The following GABRA3 variants were observed in gnomAD, a reference collection of about 807,000 sequenced individuals.
The protein encoded by GABRA3 is gamma-aminobutyric acid type A receptor subunit alpha3, also known as gamma-aminobutyric acid receptor subunit alpha-3.
A neutral mutation model predicts 30.1 loss-of-function variants in GABRA3; 10 were observed. That is an observed-to-expected ratio of 0.33 (90% confidence interval 0.20 to 0.56). The LOEUF is 0.56. GABRA3 is among the 20% of genes least tolerant of loss of function. The probability of loss-of-function intolerance (pLI) is 0.89; values close to 1 mark genes in which losing one functional copy is unlikely to be tolerated. For missense variants in GABRA3, 233 were observed against 392.0 expected (o/e 0.59, Z 3.42); for synonymous variants, 151 against 146.8 (o/e 1.03, Z -0.21).
intron 2 of GABRA3, among the ~76,000 whole-genome samples, chrX:152,358,096 A>C (rs189254949): frequency 9.5e-4 from 106 of 111,695 alleles, no homozygotes; most frequent in African/African-American, 3.4e-3. Context: ...AAAGAATGTC[A>C]TTGGTAGTTT....
At chrX:152,299,118 G>T (rs1405091502) in intron 3 of GABRA3, among the ~76,000 whole-genome samples, 2 of 110,738 alleles carry the variant, frequency 1.8e-5, no homozygotes, top group East Asian at 5.7e-4. Context: ...ATACAATAAT[G>T]GTAGGTAAAA....
intron 4 of GABRA3, among the ~76,000 whole-genome samples, chrX:152,268,925 T>C (rs1938877637): frequency 8.9e-6 from 1 of 112,221 alleles, no homozygotes; most frequent in South Asian, 3.7e-4. Context: ...GAACATGTTC[T>C]TTAATTTCCA....
intron 3 of GABRA3, among the ~76,000 whole-genome samples, chrX:152,318,991 C>T (rs145375137): frequency 1.2e-4 from 13 of 111,009 alleles, no homozygotes; most frequent in South Asian, 3.8e-4. Context: ...TAGCCAGAGC[C>T]GACACAAGAA....
intron 1 of GABRA3, among the ~76,000 whole-genome samples, chrX:152,445,037 G>A (rs1311010005): frequency 1.5e-5 from 1 of 68,507 alleles, no homozygotes; most frequent in African/African-American, 6.0e-5. Flanking sequence ...CTCCAGCCTG[G>A]GCAACAGAGT....
intron 5 of GABRA3, among the ~76,000 whole-genome samples, chrX:152,242,789 T>TA (rs942401864): frequency 1.8e-5 from 2 of 111,853 alleles, no homozygotes; most frequent in Admixed American, 9.5e-5. Flanking sequence ...ACGGCCATTA[T>TA]AAAAAACAGT....
chrX:152,169,621 A>C (rs1308681940), intron 9 of GABRA3, among the ~76,000 whole-genome samples: 1 of 111,977 alleles, frequency 8.9e-6, no homozygotes, highest in African/African-American at 3.2e-5. Context: ...CCCCAGCCCC[A>C]GGCCAAATGC....
chrX:152,218,071 T>G (rs1937762321), intron 6 of GABRA3, among the ~76,000 whole-genome samples: 1 of 109,031 alleles, frequency 9.2e-6, no homozygotes, highest in Non-Finnish European at 1.9e-5. Flanking sequence ...TGATTTTAGA[T>G]TTCTCTTTTA....
At chrX:152,363,401 C>A (rs73639083) in intron 2 of GABRA3, among the ~76,000 whole-genome samples, 11,992 of 111,377 alleles carry the variant, frequency 0.11, 519 homozygotes, top group African/African-American at 0.13. Context: ...CTATCTGTTG[C>A]AGGGAGTCGC....
intron 5 of GABRA3, among the ~76,000 whole-genome samples, chrX:152,242,444 C>T (rs1569367691): frequency 8.9e-6 from 1 of 111,860 alleles, no homozygotes. Flanking sequence ...AGCTTCTGCA[C>T]ATCCAAGGAA....
At chrX:152,248,540 T>C (rs923076423) in intron 5 of GABRA3, among the ~76,000 whole-genome samples, 2 of 111,527 alleles carry the variant, frequency 1.8e-5, no homozygotes, top group African/African-American at 3.2e-5. Context: ...CACTTGGAAA[T>C]GAGCCGCTTG....
intron 5 of GABRA3, among the ~76,000 whole-genome samples, chrX:152,230,053 C>T (rs1261945025): frequency 9.0e-6 from 1 of 111,313 alleles, no homozygotes; most frequent in Non-Finnish European, 1.9e-5. Context: ...CCTTATTCAA[C>T]TTCTTATTGA....
intron 6 of GABRA3, among the ~76,000 whole-genome samples, chrX:152,209,799 C>T (rs1937613316): frequency 8.9e-6 from 1 of 112,495 alleles, no homozygotes; most frequent in Admixed American, 9.4e-5. Flanking sequence ...CATCAAAATT[C>T]TCACTGACAT....
At position 152,330,072 on chromosome X, in the gene GABRA3, A is replaced by T. The variant is rs753572877; in HGVS notation, c.262+15509T>A. ...CATACACTTCTCAAAAGAATACATT[A>T]ATACAACCAACAGACACATGAAAAA... is the stretch of plus-strand genomic sequence containing the variant. On this transcript the variant is annotated intron_variant, in intron 3 of 9. Transcript: ENST00000370314. Among the ~76,000 whole-genome samples the T allele has an allele frequency of 7.7e-3, 860 of 112,024 alleles. 17 individuals are homozygous for T. The highest frequency in any genetic ancestry group is 0.027 in the African/African-American group (816 of 30,677).
intron 3 of GABRA3, among the ~76,000 whole-genome samples, chrX:152,312,384 G>A (rs370772139): frequency 8.9e-5 from 10 of 112,135 alleles, no homozygotes; most frequent in South Asian, 7.4e-4. Flanking sequence ...AAGCAATGGC[G>A]AAAAGTCTCC....
rs1033812897 is a variant in GABRA3 at position 152,269,906 on chromosome X, C to A, written c.331-13908G>T. Among the ~76,000 whole-genome samples the A allele has an allele frequency of 8.1e-5, 9 of 111,691 alleles. No individual in the cohort carries two copies. In the East Asian group the frequency reaches 2.5e-3, roughly 31 times the overall value. On this transcript the variant is annotated intron_variant, in intron 4 of 9. Coordinates refer to ENST00000370314, the MANE Select transcript of GABRA3 (RefSeq NM_000808.4). The stretch of plus-strand genomic sequence containing the variant: ...ATGAAACTACTGGAAGAAAACATTG[C>A]GGAAATGCTCCATGATACTGGCCTG...
intron 5 of GABRA3, among the ~76,000 whole-genome samples, chrX:152,225,432 G>GCACACACA (rs60046142): frequency 0.041 from 3,957 of 96,468 alleles, 204 homozygotes; most frequent in African/African-American, 0.14. Context: ...ACACACACAC[G>GCACACACA]CACACACACA....
chrX:152,216,934 T>C (rs2124374807), intron 6 of GABRA3, among the ~76,000 whole-genome samples: 1 of 110,884 alleles, frequency 9.0e-6, no homozygotes, highest in East Asian at 2.8e-4. Context: ...CCAAAAAGTA[T>C]ACACACTTAT....
intron 1 of GABRA3, among the ~76,000 whole-genome samples, chrX:152,384,278 T>C (rs1245619436): frequency 2.7e-5 from 3 of 111,347 alleles, no homozygotes; most frequent in African/African-American, 9.8e-5. Context: ...AGAATTAATG[T>C]TTTTCAATCT....
Position 152,168,046 on chromosome X carries a change from G to C in GABRA3, c.*182C>G. 2.2e-6 allele frequency: 1 copy of C among 446,439 alleles called. No individual in the cohort carries two copies. The highest frequency in any genetic ancestry group is 3.9e-6 in the Non-Finnish European group (1 of 257,484). 36.8% of individuals were successfully genotyped at this position (446,439 alleles called of 1,213,427 possible). On this transcript the variant is annotated 3_prime_UTR_variant, in exon 10 of 10. Transcript: ENST00000370314. ...GGGTTATACTGGGCAATATTGGAGG[G>C]ACAAGTAATTTTTCTGTAGTTATTT...
Sources: gnomAD v4.1 joint callset for allele counts (sites outside exome capture counted in the v4.1 genomes callset) on GRCh38, gnomAD v4.1.1 for gene constraint, MANE v1.5 for transcripts, NCBI Gene and HGNC (gene_info 2026-07-23, HGNC 2026-07-21) for gene names.